Variants in CSMD1 observed in about 807,000 individuals in gnomAD.
The protein encoded by CSMD1 is CUB and sushi domain-containing protein 1.
CSMD1 carries 213 observed loss-of-function variants against 417.5 expected under a neutral mutation model. The ratio of observed to expected loss-of-function variants is 0.51; its 90% CI spans 0.46 to 0.57. CSMD1 has a LOEUF of 0.57. CSMD1 is among the 20% of genes least tolerant of loss of function. The pLI is 0.00. For missense variants in CSMD1, 6,923 were observed against 4,529.7 expected (o/e 1.53, Z -15.17); for synonymous variants, 2,862 against 1,736.8 (o/e 1.65, Z -16.11).
At chr8:4,407,893 GGATAAC>G (rs1796412602) in intron 3 of CSMD1, among the ~76,000 whole-genome samples, 2 of 152,168 alleles carry the variant, frequency 1.3e-5, no homozygotes, top group South Asian at 4.2e-4. Context: ...GAGTTAAGAT[GGATAAC>G]ACATCCAAAG....
At chr8:4,650,486 G>A (rs548336434) in intron 1 of CSMD1, among the ~76,000 whole-genome samples, 24 of 152,110 alleles carry the variant, frequency 1.6e-4, no homozygotes, top group Admixed American at 9.8e-4. Flanking sequence ...TAAGCTGTGG[G>A]CAAGAAATCA....
At chr8:4,764,139 T>C (rs1013005421) in intron 1 of CSMD1, among the ~76,000 whole-genome samples, 4 of 152,210 alleles carry the variant, frequency 2.6e-5, no homozygotes, top group Admixed American at 6.5e-5. Context: ...CGCATTATTC[T>C]TGTTTTTCTT....
chr8:4,264,887 G>A lies in CSMD1; in HGVS notation c.415+155066C>T, dbSNP rs550879343. Among the ~76,000 whole-genome samples, 3 of 152,314 alleles carry A rather than the reference G, an allele frequency of 2.0e-5. No homozygotes were observed. In the South Asian group the frequency reaches 6.2e-4, roughly 32 times the overall value. On this transcript the variant is annotated intron_variant, in intron 3 of 69. Transcript: ENST00000635120. ...AGTGCCCTAGGTAGGACGATGAACA[G>A]AGAAAACATGTAGGAATTGGGTTTA... is the stretch of plus-strand genomic sequence containing the variant.
chr8:4,517,528 A>G (rs1182438580), intron 2 of CSMD1, among the ~76,000 whole-genome samples: 3 of 152,224 alleles, frequency 2.0e-5, no homozygotes, highest in Non-Finnish European at 2.9e-5. Flanking sequence ...ATAACTACTG[A>G]TTTCTAACTC....
intron 2 of CSMD1, among the ~76,000 whole-genome samples, chr8:4,443,601 AG>A (rs1458664849): frequency 3.3e-4 from 44 of 133,360 alleles, no homozygotes; most frequent in African/African-American, 9.2e-4. Flanking sequence ...TAAAATATAA[AG>A]AAAACTTCGC....
intron 1 of CSMD1, among the ~76,000 whole-genome samples, chr8:4,786,518 G>C (rs1251033888): frequency 6.6e-6 from 1 of 152,132 alleles, no homozygotes; most frequent in Non-Finnish European, 1.5e-5. Flanking sequence ...GTAAATTGGT[G>C]GTTGGTAGTT....
intron 3 of CSMD1, among the ~76,000 whole-genome samples, chr8:4,351,098 C>T (rs575824730): frequency 6.6e-6 from 1 of 151,996 alleles, no homozygotes; most frequent in African/African-American, 2.4e-5. Flanking sequence ...GCCAGAGGAT[C>T]GCCTGAGCCC....
At chr8:4,530,131 T>C (rs1456930152) in intron 2 of CSMD1, among the ~76,000 whole-genome samples, 1 of 151,640 alleles carries the variant, frequency 6.6e-6, no homozygotes, top group African/African-American at 2.4e-5. Flanking sequence ...GCCAGGATGG[T>C]CTCGATCTCC....
intron 5 of CSMD1, among the ~76,000 whole-genome samples, chr8:3,767,843 G>C (rs779707697): frequency 6.6e-6 from 1 of 152,178 alleles, no homozygotes; most frequent in Non-Finnish European, 1.5e-5. Flanking sequence ...GAAATGCCCA[G>C]TGGGTCAGAT....
chr8:4,764,621 C>G (rs1340369153), intron 1 of CSMD1, among the ~76,000 whole-genome samples: 1 of 151,486 alleles, frequency 6.6e-6, no homozygotes, highest in Non-Finnish European at 1.5e-5. Flanking sequence ...AGATTTTTGT[C>G]TACTGGATTT....
chr8:3,970,061 G>C (rs1174233583), intron 5 of CSMD1, among the ~76,000 whole-genome samples: 1 of 152,180 alleles, frequency 6.6e-6, no homozygotes, highest in Non-Finnish European at 1.5e-5. Context: ...AAACTACTAA[G>C]TAGTCTATGT....
At chr8:4,061,386 T>G (rs925312971) in intron 3 of CSMD1, among the ~76,000 whole-genome samples, 2 of 152,202 alleles carry the variant, frequency 1.3e-5, no homozygotes, top group African/African-American at 4.8e-5. Flanking sequence ...ATGAAGTAAG[T>G]GCACAACAGA....
At chr8:4,470,953 G>T (rs1005954554) in intron 2 of CSMD1, among the ~76,000 whole-genome samples, 1 of 152,158 alleles carries the variant, frequency 6.6e-6, no homozygotes, top group African/African-American at 2.4e-5. Flanking sequence ...TCCCTCAAGT[G>T]ACATGTCAAT....
intron 3 of CSMD1, among the ~76,000 whole-genome samples, chr8:4,356,289 T>G (rs998427716): frequency 2.0e-5 from 3 of 151,970 alleles, no homozygotes; most frequent in Admixed American, 6.6e-5. Context: ...GTTCATTCAT[T>G]CATTCCTTAT....
chr8:3,640,578 T>C (rs992272037), intron 7 of CSMD1, among the ~76,000 whole-genome samples: 1 of 152,220 alleles, frequency 6.6e-6, no homozygotes, highest in African/African-American at 2.4e-5. Flanking sequence ...AGAAAATATA[T>C]TTTCTCTGAA....
In CSMD1 at chr8:4,747,973, G is replaced by A. The variant is rs187925941; in HGVS notation, c.86-110415C>T. Among the ~76,000 whole-genome samples the A allele has an allele frequency of 3.9e-3, 590 of 152,226 alleles. 6 individuals are homozygous for A. The highest frequency in any genetic ancestry group is 0.012 in the African/African-American group (511 of 41,526). On this transcript the variant is annotated intron_variant, in intron 1 of 69. Coordinates refer to ENST00000635120, the MANE Select transcript of CSMD1 (RefSeq NM_033225.6). Reference sequence around the variant, plus strand: ...TGTTCTGCCTTCTACTTACCACACCGTATATTGGCTCTGCTGATGTATTAG... The same window carrying A: ...TGTTCTGCCTTCTACTTACCACACCATATATTGGCTCTGCTGATGTATTAG...
chr8:3,853,205 T>C (rs961894584), intron 5 of CSMD1, among the ~76,000 whole-genome samples: 3 of 152,128 alleles, frequency 2.0e-5, no homozygotes, highest in Non-Finnish European at 2.9e-5. Flanking sequence ...CGATTGCATG[T>C]TTTCAGTCTT....
chr8:4,003,036 A>C (rs1815816635), intron 4 of CSMD1, among the ~76,000 whole-genome samples: 1 of 151,586 alleles, frequency 6.6e-6, no homozygotes, highest in African/African-American at 2.4e-5. Flanking sequence ...CAACACAATA[A>C]AAAAATATTT....
At position 3,018,446 on chromosome 8, in the gene CSMD1, T is replaced by G. The variant is rs191735218; in HGVS notation, c.8029+31A>C. ...ATCTATTTCTAAGGTTTATCTGCAT[T>G]AAGTAAGTGCCAGAACACAGATGAA... is the stretch of plus-strand genomic sequence containing the variant. On this transcript the variant is annotated intron_variant, in intron 52 of 69. Transcript: ENST00000635120. The G allele has an allele frequency of 7.5e-6, 12 of 1,603,366 alleles. No homozygotes were observed. The African/African-American group carries it at 1.3e-4, about 18-fold the overall frequency.
Sources: gnomAD v4.1 joint callset for allele counts (sites outside exome capture counted in the v4.1 genomes callset) on GRCh38, gnomAD v4.1.1 for gene constraint, MANE v1.5 for transcripts, NCBI Gene and HGNC (gene_info 2026-07-23, HGNC 2026-07-21) for gene names.